The following JPH3 variants were observed in gnomAD, a reference collection of about 807,000 sequenced individuals.
JPH3 encodes the protein junctophilin 3.
Under a neutral mutation model 59.6 loss-of-function variants are expected in JPH3, and 11 were observed. The observed-to-expected ratio is 0.18, with a 90% confidence interval of 0.12 to 0.31. The LOEUF (loss-of-function observed/expected upper bound fraction) is 0.31, where lower values mean the gene tolerates loss of function less well. Among genes scored for constraint, JPH3 ranks in the 10% least tolerant of loss-of-function variants. JPH3 has a pLI of 1.00. For missense variants in JPH3, 1,202 were observed against 1,105.7 expected, an observed-to-expected ratio of 1.09 and a Z score of -1.24; for synonymous variants, 673 against 483.6, an observed-to-expected ratio of 1.39 and a Z score of -5.14.
At chr16:87,620,201 G>T (rs11641343) in intron 1 of JPH3, among the ~76,000 whole-genome samples, 1 of 152,022 alleles carries the variant, frequency 6.6e-6, no homozygotes, top group Non-Finnish European at 1.5e-5. Flanking sequence ...GGCTGAGCCT[G>T]GGTGGCTATG....
chr16:87,667,854 C>G (rs1475102447), intron 2 of JPH3, among the ~76,000 whole-genome samples: 1 of 152,104 alleles, frequency 6.6e-6, no homozygotes, highest in Non-Finnish European at 1.5e-5. Flanking sequence ...CCTACAACCC[C>G]TTTAAAATGC....
intron 2 of JPH3, among the ~76,000 whole-genome samples, chr16:87,660,173 G>A (rs965727527): frequency 6.6e-6 from 1 of 152,214 alleles, no homozygotes; most frequent in African/African-American, 2.4e-5. Context: ...GCAGTGCACA[G>A]GGACTAGCTG....
intron 1 of JPH3, among the ~76,000 whole-genome samples, chr16:87,639,133 A>G (rs114757971): frequency 3.9e-5 from 6 of 152,172 alleles, no homozygotes; most frequent in Admixed American, 1.3e-4. Flanking sequence ...TGCGATGATC[A>G]TAATAGTTAC....
At chr16:87,691,540 G>T (rs1015076582) in intron 4 of JPH3, among the ~76,000 whole-genome samples, 2 of 152,118 alleles carry the variant, frequency 1.3e-5, no homozygotes, top group Non-Finnish European at 2.9e-5. Flanking sequence ...TCGACGCTGC[G>T]GCAGGGGTCG....
chr16:87,695,641 C>T (rs750066395), intron 4 of JPH3: 2 of 456,068 alleles, frequency 4.4e-6, no homozygotes, highest in Non-Finnish European at 4.4e-6. Context: ...AGGAGGCGTC[C>T]ATTCCCTGTG....
intron 4 of JPH3, chr16:87,695,794 C>A: frequency 2.2e-6 from 1 of 456,058 alleles, no homozygotes; most frequent in Non-Finnish European, 4.4e-6. Flanking sequence ...AGAAGGGCGC[C>A]CCCGGAAAAG....
chr16:87,602,680 C>CCCG lies in JPH3; in HGVS notation c.-458_-456dup, dbSNP rs1419774069. Among the ~76,000 whole-genome samples the CCCG allele has an allele frequency of 3.6e-5, 5 of 139,672 alleles. No individual in the cohort carries two copies. In the East Asian group the frequency reaches 1.1e-3, roughly 31 times the overall value. The allele number at this position is 139,672 out of a possible 152,430, so 91.6% of individuals were successfully genotyped here. On this transcript the variant is annotated 5_prime_UTR_variant, in exon 1 of 5. Transcript: ENST00000284262. Reference sequence around the variant, plus strand: ...CGTGCCGCCGCCGCCGCCCGCGGGCCCCGCCGCCGCCCTCGGGCGCCCGCA... The same window carrying CCCG: ...CGTGCCGCCGCCGCCGCCCGCGGGCCCCGCCGCCGCCGCCCTCGGGCGCCCGCA...
chr16:87,696,094 G>A lies in JPH3; in HGVS notation c.2167-486G>A, dbSNP rs146570476. ...GTTTTGTTGAGGACACTGTGCTCAC[G>A]GACTTTGGGAGTCCTCTGAGTTCCA... On this transcript the variant is annotated intron_variant, in intron 4 of 4. Transcript: ENST00000284262. 424 of 457,284 alleles carry A rather than the reference G, an allele frequency of 9.3e-4. 2 individuals are homozygous for A. Among genetic ancestry groups the A allele is most frequent in the African/African-American group, 7.7e-3 (386 of 50,246 alleles). 28.3% of individuals were successfully genotyped at this position (457,284 alleles called of 1,614,324 possible). A position where few individuals can be genotyped will look rare whatever the true frequency, so the allele number is the denominator to read the frequency against.
intron 4 of JPH3, among the ~76,000 whole-genome samples, chr16:87,692,170 G>T (rs558256408): frequency 2.0e-5 from 3 of 151,874 alleles, no homozygotes; most frequent in African/African-American, 4.8e-5. Context: ...GCCACCCTGG[G>T]GTACCTGGTG....
At chr16:87,689,409 G>T (rs2033498931) in intron 3 of JPH3, among the ~76,000 whole-genome samples, 3 of 152,118 alleles carry the variant, frequency 2.0e-5, no homozygotes, top group South Asian at 2.1e-4. Context: ...CCTTCCTGTG[G>T]TGCCTGGGCC....
Position 87,603,155 on chromosome 16 carries a change from T to G in JPH3, c.9T>G (p.Ser3Arg). 1 of 1,613,712 alleles carries G rather than the reference T, an allele frequency of 6.2e-7. No homozygotes were observed. The highest frequency in any genetic ancestry group is 8.5e-7 in the Non-Finnish European group (1 of 1,179,836). Reference sequence around the variant, plus strand: ...GGAACCGAGTTACATGCATGTCCAGTGGGGGCAGGTTTAATTTTGACGACG... The same window carrying G: ...GGAACCGAGTTACATGCATGTCCAGGGGGGGCAGGTTTAATTTTGACGACG... MS[S>R]GGRFNFDDGG... Residue 3 changes from serine to arginine, a missense_variant, in exon 1 of 5, where the codon AGT becomes AGG. By Grantham distance (110) the Ser-to-Arg change is moderately radical. Coordinates refer to ENST00000284262, the MANE Select transcript of JPH3 (RefSeq NM_020655.4).
intron 1 of JPH3, among the ~76,000 whole-genome samples, chr16:87,634,757 G>A (rs771077250): frequency 4.6e-5 from 7 of 152,234 alleles, no homozygotes; most frequent in Admixed American, 6.5e-5. Context: ...GCTGTGACCC[G>A]CCAGGGTGGG....
intron 1 of JPH3, among the ~76,000 whole-genome samples, chr16:87,623,072 A>T (rs1305675491): frequency 1.3e-5 from 2 of 152,142 alleles, no homozygotes; most frequent in Non-Finnish European, 2.9e-5. Context: ...AGCCCCACAG[A>T]TTCTGAGGCA....
chr16:87,606,389 G>A (rs1180046130), intron 1 of JPH3, among the ~76,000 whole-genome samples: 1 of 152,220 alleles, frequency 6.6e-6, no homozygotes, highest in African/African-American at 2.4e-5. Flanking sequence ...TTCAGCTGGG[G>A]ACACCTGTGC....
intron 2 of JPH3, among the ~76,000 whole-genome samples, chr16:87,655,994 G>T (rs886721364): frequency 6.6e-6 from 1 of 152,240 alleles, no homozygotes; most frequent in Non-Finnish European, 1.5e-5. Context: ...TGGGAGTGGG[G>T]CACTGCTGCG....
At chr16:87,662,633 C>T (rs769054398) in intron 2 of JPH3, among the ~76,000 whole-genome samples, 36 of 152,182 alleles carry the variant, frequency 2.4e-4, no homozygotes, top group African/African-American at 4.3e-4. Context: ...GAGTCTGTCC[C>T]GGCCATGGAC....
chr16:87,660,220 A>G (rs1251458243), intron 2 of JPH3, among the ~76,000 whole-genome samples: 1 of 152,148 alleles, frequency 6.6e-6, no homozygotes, highest in Non-Finnish European at 1.5e-5. Flanking sequence ...TTGCAGGCCA[A>G]TGGCGTCCCT....
chr16:87,660,590 C>G (rs1319651617), intron 2 of JPH3, among the ~76,000 whole-genome samples: 1 of 152,202 alleles, frequency 6.6e-6, no homozygotes, highest in Non-Finnish European at 1.5e-5. Flanking sequence ...GTTGTAGTCA[C>G]TGCAGCCCTC....
rs2030317005 is a variant in JPH3, at chr16:87,603,034, C to G, written c.-113C>G. The G allele has an allele frequency of 2.1e-6, 3 of 1,414,388 alleles. No homozygotes were observed. In the African/African-American group the frequency reaches 4.3e-5, roughly 20 times the overall value. The allele number at this position is 1,414,388 out of a possible 1,614,324, so 87.6% of individuals were successfully genotyped here. On this transcript the variant is annotated 5_prime_UTR_variant, in exon 1 of 5. Coordinates refer to ENST00000284262, the MANE Select transcript of JPH3 (RefSeq NM_020655.4). ...AGACCGCGCTCCGGGGCCGCGTCCT[C>G]CTCTCCTCCGGAAAACGCTCGCGAC...
Sources: gnomAD v4.1 joint callset for allele counts (sites outside exome capture counted in the v4.1 genomes callset) on GRCh38, gnomAD v4.1.1 for gene constraint, MANE v1.5 for transcripts, NCBI Gene and HGNC (gene_info 2026-07-23, HGNC 2026-07-21) for gene names.